The following PDE4D variants were observed in gnomAD, a reference collection of about 807,000 sequenced individuals.
The protein encoded by PDE4D is phosphodiesterase 4D.
A neutral mutation model predicts 87.4 loss-of-function variants in PDE4D; 24 were observed. The observed-to-expected ratio is 0.27, with a 90% CI of 0.20 to 0.39. PDE4D has a LOEUF of 0.39. PDE4D is among the 10% of genes least tolerant of loss of function. PDE4D has a pLI of 1.00. For synonymous variants in PDE4D, 384 were observed against 383.2 expected (o/e 1.00, Z -0.02); for missense variants, 714 against 1,041.0 (o/e 0.69, Z 4.32).
chr5:59,100,002 T>C (rs1770460332), intron 5 of PDE4D, among the ~76,000 whole-genome samples: 3 of 152,234 alleles, frequency 2.0e-5, no homozygotes, highest in Non-Finnish European at 4.4e-5. Context: ...ACTTTCTTTA[T>C]TTTCCATAAC....
chr5:60,192,565 G>A (rs1232863817), intron 1 of PDE4D, among the ~76,000 whole-genome samples: 2 of 152,088 alleles, frequency 1.3e-5, no homozygotes, highest in Non-Finnish European at 2.9e-5. Flanking sequence ...GAACCTTCAT[G>A]ATGTACTATG....
intron 1 of PDE4D, among the ~76,000 whole-genome samples, chr5:59,553,066 A>AT (rs375909063): frequency 6.6e-6 from 1 of 151,920 alleles, no homozygotes; most frequent in Admixed American, 6.6e-5. Flanking sequence ...AATTTTTCTA[A>AT]TTTTTTTTCT....
intron 2 of PDE4D, among the ~76,000 whole-genome samples, chr5:60,156,126 C>A (rs558917417): frequency 6.6e-6 from 1 of 152,182 alleles, no homozygotes; most frequent in Non-Finnish European, 1.5e-5. Flanking sequence ...CTGTCTGGAA[C>A]CTGGGCTAGC....
chr5:59,529,255 G>A (rs1218569599), intron 1 of PDE4D: 6 of 460,802 alleles, frequency 1.3e-5, no homozygotes, highest in African/African-American at 2.0e-5. Flanking sequence ...CTCATATTAA[G>A]TCTGGCAATG....
At chr5:59,809,208 T>C (rs1768068940) in intron 1 of PDE4D, among the ~76,000 whole-genome samples, 1 of 152,186 alleles carries the variant, frequency 6.6e-6, no homozygotes. Context: ...CTTCTATCCA[T>C]TAAATACTGT....
intron 1 of PDE4D, among the ~76,000 whole-genome samples, chr5:59,379,884 G>A (rs999159881): frequency 4.6e-5 from 7 of 152,066 alleles, no homozygotes; most frequent in Non-Finnish European, 8.8e-5. Context: ...TTTGTTACAT[G>A]AGTATATTGC....
chr5:59,567,727 T>C (rs1487273242), intron 1 of PDE4D, among the ~76,000 whole-genome samples: 2 of 152,206 alleles, frequency 1.3e-5, no homozygotes, highest in African/African-American at 4.8e-5. Flanking sequence ...ACCACTGGAA[T>C]TGAACAATTA....
chr5:59,684,438 C>T (rs1201545188), intron 1 of PDE4D, among the ~76,000 whole-genome samples: 1 of 151,962 alleles, frequency 6.6e-6, no homozygotes, highest in African/African-American at 2.4e-5. Flanking sequence ...ATAAATATCA[C>T]AGAAAAATAC....
intron 5 of PDE4D, among the ~76,000 whole-genome samples, chr5:59,114,475 G>C (rs1033850181): frequency 2.6e-5 from 4 of 152,118 alleles, no homozygotes; most frequent in Admixed American, 2.0e-4. Flanking sequence ...TACTCAGTTG[G>C]GAATTTCCAA....
intron 1 of PDE4D, among the ~76,000 whole-genome samples, chr5:59,812,998 C>A (rs1459731106): frequency 6.6e-6 from 1 of 152,184 alleles, no homozygotes; most frequent in Admixed American, 6.5e-5. Flanking sequence ...ATTCTGATAC[C>A]AATAGGGTTG....
chr5:59,169,381 G>T (rs1254728668), intron 5 of PDE4D, among the ~76,000 whole-genome samples: 11 of 151,732 alleles, frequency 7.2e-5, no homozygotes, highest in Admixed American at 7.2e-4. Context: ...AAGACAAAAA[G>T]AATGCAATTA....
intron 1 of PDE4D, among the ~76,000 whole-genome samples, chr5:59,260,792 G>T (rs1761862327): frequency 6.6e-6 from 1 of 151,758 alleles, no homozygotes; most frequent in Non-Finnish European, 1.5e-5. Context: ...AGAGAAGGGA[G>T]AGGTTCAAAT....
chr5:59,842,495 GT>G (rs1298021781), intron 1 of PDE4D, among the ~76,000 whole-genome samples: 2 of 152,012 alleles, frequency 1.3e-5, no homozygotes, highest in African/African-American at 2.4e-5. Context: ...ATTTTCATAT[GT>G]TAATATTTTT....
chr5:59,434,073 T>A (rs1468209998), intron 1 of PDE4D, among the ~76,000 whole-genome samples: 1 of 133,802 alleles, frequency 7.5e-6, no homozygotes, highest in African/African-American at 2.8e-5. Flanking sequence ...ATCTTTAGGA[T>A]GTTCCTAAAG....
chr5:59,649,141 TTA>T (rs778301275), intron 1 of PDE4D, among the ~76,000 whole-genome samples: 58 of 152,274 alleles, frequency 3.8e-4, no homozygotes, highest in Non-Finnish European at 7.1e-4. Context: ...CCTTAAATAG[TTA>T]TGAGTGAATG....
At chr5:59,989,912 TTC>T (rs1762838452) in intron 2 of PDE4D, among the ~76,000 whole-genome samples, 4 of 152,312 alleles carry the variant, frequency 2.6e-5, no homozygotes, top group Admixed American at 2.0e-4. Flanking sequence ...TCTCTAAGGC[TTC>T]TGTTTCTTTA....
intron 3 of PDE4D, among the ~76,000 whole-genome samples, chr5:59,949,691 A>C (rs1758099030): frequency 6.6e-6 from 1 of 152,062 alleles, no homozygotes; most frequent in Admixed American, 6.6e-5. Context: ...TTAAGAAAAA[A>C]CTTCCCCATA....
At chr5:60,141,655 G>T (rs1002388808) in intron 2 of PDE4D, among the ~76,000 whole-genome samples, 1 of 152,090 alleles carries the variant, frequency 6.6e-6, no homozygotes, top group African/African-American at 2.4e-5. Flanking sequence ...CAGAATTCCT[G>T]CTCAGCAACT....
chr5:59,110,735 G>T (rs1213424261), intron 5 of PDE4D, among the ~76,000 whole-genome samples: 1 of 152,126 alleles, frequency 6.6e-6, no homozygotes, highest in Non-Finnish European at 1.5e-5. Context: ...AGCCAGGCAT[G>T]GTGGTGCATG....
Sources: gnomAD v4.1 joint callset for allele counts (sites outside exome capture counted in the v4.1 genomes callset) on GRCh38, gnomAD v4.1.1 for gene constraint, MANE v1.5 for transcripts, NCBI Gene and HGNC (gene_info 2026-07-23, HGNC 2026-07-21) for gene names.